Variants in NTM observed in about 807,000 individuals in gnomAD.
NTM encodes IgLON family member 2.
A neutral mutation model predicts 42.1 loss-of-function variants in NTM; 13 were observed. The ratio of observed to expected loss-of-function variants is 0.31; its 90% CI spans 0.20 to 0.49. NTM has a LOEUF of 0.49. Ranked by LOEUF, NTM falls within the 20% of genes least tolerant of loss-of-function variation. The pLI is 0.99. For missense variants in NTM, 373 were observed against 452.8 expected, an observed-to-expected ratio of 0.82 and a Z score of 1.60; for synonymous variants, 187 against 179.2, an observed-to-expected ratio of 1.04 and a Z score of -0.35.
chr11:131,832,537 C>T (rs2042950522), intron 1 of NTM, among the ~76,000 whole-genome samples: 1 of 152,234 alleles, frequency 6.6e-6, no homozygotes, highest in African/African-American at 2.4e-5. Context: ...TGATAAATCC[C>T]AGTAGCCTAT....
At chr11:132,057,110 C>T (rs565038010) in intron 2 of NTM, among the ~76,000 whole-genome samples, 11 of 152,146 alleles carry the variant, frequency 7.2e-5, no homozygotes, top group Admixed American at 3.9e-4. Flanking sequence ...AATCATTTGG[C>T]GTGCAAAAAA....
intron 1 of NTM, among the ~76,000 whole-genome samples, chr11:131,617,937 G>A (rs932413395): frequency 2.0e-5 from 3 of 152,184 alleles, no homozygotes; most frequent in East Asian, 1.9e-4. Context: ...TGGACAGGGA[G>A]GGGGCTGTCT....
chr11:132,316,509 A>G (rs2095433709), intron 7 of NTM, among the ~76,000 whole-genome samples: 2 of 152,338 alleles, frequency 1.3e-5, no homozygotes, highest in East Asian at 1.9e-4. Context: ...ATGTATTCAA[A>G]TATGTTTAGA....
At chr11:131,856,508 G>A (rs1165663330) in intron 1 of NTM, among the ~76,000 whole-genome samples, 3 of 152,134 alleles carry the variant, frequency 2.0e-5, no homozygotes, top group Non-Finnish European at 2.9e-5. Context: ...CCACTGACCA[G>A]CATTCATTCA....
chr11:132,095,540 G>A (rs1297293128), intron 2 of NTM, among the ~76,000 whole-genome samples: 2 of 152,178 alleles, frequency 1.3e-5, no homozygotes, highest in Non-Finnish European at 2.9e-5. Context: ...TTCTGATTGA[G>A]AGGAGAACAC....
At chr11:131,499,217 A>G (rs1206639150) in intron 1 of NTM, among the ~76,000 whole-genome samples, 1 of 152,168 alleles carries the variant, frequency 6.6e-6, no homozygotes, top group Non-Finnish European at 1.5e-5. Context: ...GTGGCAGACA[A>G]AGAAAGCATT....
intron 1 of NTM, among the ~76,000 whole-genome samples, chr11:131,802,980 G>A (rs1359349307): frequency 6.6e-6 from 1 of 152,184 alleles, no homozygotes; most frequent in Non-Finnish European, 1.5e-5. Flanking sequence ...CCCAGCTCCA[G>A]ATTGTCGAGT....
chr11:131,433,995 T>C (rs980982322), intron 1 of NTM, among the ~76,000 whole-genome samples: 4 of 152,164 alleles, frequency 2.6e-5, no homozygotes, highest in Non-Finnish European at 5.9e-5. Flanking sequence ...CCCCGCCCTG[T>C]TTCCAAATGT....
chr11:131,972,581 G>A (rs1403246379), intron 2 of NTM, among the ~76,000 whole-genome samples: 1 of 152,048 alleles, frequency 6.6e-6, no homozygotes, highest in Non-Finnish European at 1.5e-5. Flanking sequence ...TGCTTTGAGG[G>A]ACTACTGTTT....
chr11:132,053,499 A>G (rs915833134), intron 2 of NTM, among the ~76,000 whole-genome samples: 20 of 152,224 alleles, frequency 1.3e-4, no homozygotes, highest in Non-Finnish European at 2.5e-4. Context: ...AGTCTCTTTC[A>G]TAATGCAAAG....
At position 132,083,053 on chromosome 11, in the gene NTM, A is replaced by G. The variant is rs562923938; in HGVS notation, c.168-63229A>G. Reference sequence around the variant, plus strand: ...GAAACCTCCAGGTTATGGGCACTCTATTACTCCCATCACCTGGCAGGATTT... The same window carrying G: ...GAAACCTCCAGGTTATGGGCACTCTGTTACTCCCATCACCTGGCAGGATTT... On this transcript the variant is annotated intron_variant, in intron 2 of 8. Coordinates refer to ENST00000683400, the MANE Select transcript of NTM (RefSeq NM_001352005.2). Among the ~76,000 whole-genome samples, 223 of 152,254 alleles carry G rather than the reference A, an allele frequency of 1.5e-3. 2 individuals are homozygous for G. The highest frequency in any genetic ancestry group is 5.1e-3 in the African/African-American group (210 of 41,536).
intron 2 of NTM, among the ~76,000 whole-genome samples, chr11:131,975,187 C>A (rs1442166524): frequency 6.9e-6 from 1 of 144,398 alleles, no homozygotes; most frequent in African/African-American, 2.6e-5. Context: ...AGAATCTTGC[C>A]TTCTTTTTTT....
chr11:132,095,424 A>G (rs1349363079), intron 2 of NTM, among the ~76,000 whole-genome samples: 1 of 151,970 alleles, frequency 6.6e-6, no homozygotes, highest in Non-Finnish European at 1.5e-5. Flanking sequence ...CTTCCGCATC[A>G]TTTGTGGCCA....
chr11:132,056,059 A>G (rs1271574826), intron 2 of NTM, among the ~76,000 whole-genome samples: 1 of 152,212 alleles, frequency 6.6e-6, no homozygotes, highest in African/African-American at 2.4e-5. Flanking sequence ...ACAGTGGGAA[A>G]TTCTCATGAG....
At chr11:132,173,076 G>C (rs1393792930) in intron 3 of NTM, among the ~76,000 whole-genome samples, 1 of 152,210 alleles carries the variant, frequency 6.6e-6, no homozygotes, top group Non-Finnish European at 1.5e-5. Context: ...AATATGCAGT[G>C]AGGTCAAGTA....
intron 1 of NTM, among the ~76,000 whole-genome samples, chr11:131,711,545 A>G (rs1318658220): frequency 6.6e-6 from 1 of 152,206 alleles, no homozygotes; most frequent in African/African-American, 2.4e-5. Flanking sequence ...ATCGTAAACT[A>G]ATTCAACCAT....
intron 2 of NTM, among the ~76,000 whole-genome samples, chr11:131,994,599 T>C (rs1257404268): frequency 6.6e-6 from 1 of 152,138 alleles, no homozygotes; most frequent in Non-Finnish European, 1.5e-5. Flanking sequence ...TTCTTGTCTG[T>C]TTTTTTATAT....
At chr11:131,498,399 A>C (rs1020153235) in intron 1 of NTM, among the ~76,000 whole-genome samples, 1 of 152,226 alleles carries the variant, frequency 6.6e-6, no homozygotes, top group African/African-American at 2.4e-5. Context: ...TATTAACATT[A>C]CTGAAATCAT....
intron 2 of NTM, among the ~76,000 whole-genome samples, chr11:132,075,612 T>C (rs1247079577): frequency 6.6e-6 from 1 of 152,188 alleles, no homozygotes; most frequent in African/African-American, 2.4e-5. Context: ...CAGCTCTGGA[T>C]TTTTCGAGCT....
Sources: gnomAD v4.1 joint callset for allele counts (sites outside exome capture counted in the v4.1 genomes callset) on GRCh38, gnomAD v4.1.1 for gene constraint, MANE v1.5 for transcripts, NCBI Gene and HGNC (gene_info 2026-07-23, HGNC 2026-07-21) for gene names.